POC1B: variants seen among roughly 807,000 people sequenced by gnomAD.
The protein encoded by POC1B is POC1 centriolar protein homolog B.
Under a neutral mutation model 60.6 loss-of-function variants are expected in POC1B, and 44 were observed. The ratio of observed to expected loss-of-function variants is 0.73; its 90% confidence interval spans 0.57 to 0.93. The LOEUF (loss-of-function observed/expected upper bound fraction) is 0.93. Ranked by LOEUF, POC1B falls within the 40% of genes least tolerant of loss-of-function variation. The probability of loss-of-function intolerance (pLI) is 0.00; values close to 1 mark genes in which losing one functional copy is unlikely to be tolerated. For missense variants in POC1B, 555 were observed against 572.3 expected, an observed-to-expected ratio of 0.97 and a Z score of 0.31; for synonymous variants, 180 against 198.9, an observed-to-expected ratio of 0.90 and a Z score of 0.80.
At chr12:89,494,135 G>A (rs1477024457) in intron 3 of POC1B, among the ~76,000 whole-genome samples, 2 of 152,112 alleles carry the variant, frequency 1.3e-5, no homozygotes, top group African/African-American at 2.4e-5. Context: ...AAACTCCTGC[G>A]CTCAAGAGCT....
chr12:89,478,122 CATTT>C (rs1445880380), intron 4 of POC1B, among the ~76,000 whole-genome samples: 22 of 118,412 alleles, frequency 1.9e-4, no homozygotes, highest in South Asian at 1.5e-3. Context: ...TTCATTCATT[CATTT>C]ATTGATAGAC....
At chr12:89,429,238 A>C (rs960814122) in intron 10 of POC1B, 1 of 152,170 alleles carries the variant, frequency 6.6e-6, no homozygotes, top group Non-Finnish European at 1.5e-5. Flanking sequence ...GTGCAGAGAG[A>C]AAAAAGGGTG....
rs767863964 is a variant in POC1B, at chr12:89,466,790, C to T, written c.1012G>A (p.Glu338Lys). Residue 338 changes from glutamate to lysine, a missense_variant, in exon 9 of 12, where the codon GAA becomes AAA. Transcript: ENST00000313546. ...IYPRTPHPHE[E>K]KVETVEINPK... ...CTCACTTCTACAGTCTCAACTTTTT[C>T]CTCATGGGGATGTGGTGTTCTTGGG... 6.8e-6 allele frequency: 11 copies of T among 1,611,602 alleles called. No homozygotes were observed. In the Admixed American group the frequency reaches 8.4e-5, roughly 12 times the overall value.
At chr12:89,484,519 C>T (rs1182902053) in intron 4 of POC1B, among the ~76,000 whole-genome samples, 1 of 152,190 alleles carries the variant, frequency 6.6e-6, no homozygotes, top group Non-Finnish European at 1.5e-5. Context: ...GGAGGACTGG[C>T]ATGTGAGGAT....
chr12:89,497,895 G>A lies in POC1B; in HGVS notation c.101-553C>T, dbSNP rs75634134. 5.9e-3 allele frequency among the ~76,000 whole-genome samples: 900 copies of A among 152,210 alleles called. 9 individuals carry two copies. The highest frequency in any genetic ancestry group is 0.02 in the African/African-American group (842 of 41,542). ...TTGGTTTGTAATTTGCTCTGTACTT[G>A]TTTCTCCTTGCGCATGAACACACGT... On this transcript the variant is annotated intron_variant, in intron 2 of 11. Coordinates refer to ENST00000313546, the MANE Select transcript of POC1B (RefSeq NM_172240.3).
chr12:89,508,767 C>T (rs1870029706), intron 2 of POC1B, among the ~76,000 whole-genome samples: 1 of 152,152 alleles, frequency 6.6e-6, no homozygotes, highest in East Asian at 1.9e-4. Context: ...AGTGATTTCT[C>T]ACAAGATCCG....
rs557811970 is a variant in POC1B at position 89,457,666 on chromosome 12, C to A, written c.1113+1972G>T. ...TACTAGTGGAGTCTTCCTTTTAATG[C>A]GTATATATTGGGTGAAACCATGTGA... On this transcript the variant is annotated intron_variant, in intron 10 of 11. Transcript: ENST00000313546. Among the ~76,000 whole-genome samples the A allele has an allele frequency of 4.6e-5, 7 of 152,068 alleles. No individual in the cohort carries two copies. In the South Asian group the frequency reaches 1.5e-3, roughly 32 times the overall value.
At chr12:89,424,001 T>C (rs1880650414) in intron 11 of POC1B, among the ~76,000 whole-genome samples, 1 of 152,086 alleles carries the variant, frequency 6.6e-6, no homozygotes, top group African/African-American at 2.4e-5. Context: ...GCAATGGCCT[T>C]TAAGGAAAAG....
rs147737180 is a variant in POC1B, at chr12:89,483,068, C to T, written c.452+8868G>A. On this transcript the variant is annotated intron_variant, in intron 4 of 11. Transcript: ENST00000313546. ...CTGGGATTACAGGCATGCTCCACCA[C>T]GCCCAGCTAATTTTTTTTTGTAATT... is the stretch of plus-strand genomic sequence containing the variant. Among the ~76,000 whole-genome samples, 177 of 152,174 alleles carry T rather than the reference C, an allele frequency of 1.2e-3. 1 individual carries two copies. Among genetic ancestry groups the T allele is most frequent in the African/African-American group, 4.0e-3 (165 of 41,526 alleles).
Position 89,525,191 on chromosome 12 carries a change from A to C in POC1B, c.29T>G (p.Leu10Arg). The change falls in exon 2 of 12, where the codon CTG becomes CGG. Residue 10 changes from leucine to arginine, a missense_variant. Transcript: ENST00000313546. MASATEDPVLERYFKGHKAA... is the reference protein window; with the variant it reads MASATEDPVRERYFKGHKAA... Reference sequence around the variant, plus strand: ...TTTGTGGCCTTTGAAATAACGCTCCAGAACGGGGTCCTCCTGGAAAGGAAA... The same window carrying C: ...TTTGTGGCCTTTGAAATAACGCTCCCGAACGGGGTCCTCCTGGAAAGGAAA... 1 of 1,611,142 alleles carries C rather than the reference A, an allele frequency of 6.2e-7. No individual in the cohort carries two copies. Among genetic ancestry groups the C allele is most frequent in the South Asian group, 1.1e-5 (1 of 91,018 alleles).
At chr12:89,525,320 G>T in intron 1 of POC1B, 116 bp from the exon 2 acceptor site, 2 of 1,452,030 alleles carry the variant, frequency 1.4e-6, no homozygotes, top group Non-Finnish European at 1.8e-6. Flanking sequence ...CCAGGCGGCG[G>T]CTTGGCTGGG....
rs779723507 is a variant in POC1B at position 89,491,904 on chromosome 12, G to C, written c.452+32C>G. 2.1e-6 allele frequency: 3 copies of C among 1,440,798 alleles called. No homozygotes were observed. The African/African-American group carries it at 4.3e-5, about 21-fold the overall frequency. The allele number at this position is 1,440,798 out of a possible 1,614,324, so 89.3% of individuals were successfully genotyped here. A position where few individuals can be genotyped will look rare whatever the true frequency, so the allele number is the denominator to read the frequency against. The stretch of plus-strand genomic sequence containing the variant: ...CAAACATGAAGCAGAAAAAATATGT[G>C]GACATCTTAATATGAAATTTTTTGC... On this transcript the variant is annotated intron_variant, in intron 4 of 11. Transcript: ENST00000313546.
chr12:89,514,485 T>C (rs999198174), intron 2 of POC1B, among the ~76,000 whole-genome samples: 2 of 140,370 alleles, frequency 1.4e-5, no homozygotes, highest in African/African-American at 5.3e-5. Flanking sequence ...CTCGGCTCAT[T>C]GCAGCCTTTG....
At chr12:89,442,400 A>G (rs1881564417) in intron 10 of POC1B, among the ~76,000 whole-genome samples, 6 of 152,246 alleles carry the variant, frequency 3.9e-5, no homozygotes, top group Admixed American at 3.9e-4. Context: ...GACGAACAGC[A>G]GATGTCTCGG....
At chr12:89,488,710 C>T (rs1868777682) in intron 4 of POC1B, among the ~76,000 whole-genome samples, 1 of 152,146 alleles carries the variant, frequency 6.6e-6, no homozygotes, top group Admixed American at 6.5e-5. Context: ...TGGTTTTGAA[C>T]TCCTGACCTC....
intron 4 of POC1B, among the ~76,000 whole-genome samples, chr12:89,481,133 C>CA (rs1225658249): frequency 3.9e-5 from 6 of 152,186 alleles, no homozygotes; most frequent in Non-Finnish European, 1.5e-5. Context: ...CTCGGCCTCC[C>CA]AAAGTGCTGG....
At chr12:89,503,178 T>A (rs1869678371) in intron 2 of POC1B, among the ~76,000 whole-genome samples, 1 of 152,182 alleles carries the variant, frequency 6.6e-6, no homozygotes, top group African/African-American at 2.4e-5. Flanking sequence ...GAAGCTGGAC[T>A]GTACTGCTGC....
chr12:89,503,737 GAGAAGTGAGGAGCCCCTCCGCCCGGCA>G, intron 2 of POC1B, among the ~76,000 whole-genome samples: 2 of 127,850 alleles, frequency 1.6e-5, no homozygotes, highest in African/African-American at 6.2e-5. Flanking sequence ...CGCCCCGTCT[GAGAAGTGAGGAGCCCCTCCGCCCGGCA>G]GCCGCCCCAT....
At chr12:89,522,296 T>C (rs1870953696) in intron 2 of POC1B, 1 of 397,590 alleles carries the variant, frequency 2.5e-6, no homozygotes, top group South Asian at 1.4e-4. Flanking sequence ...TTAAGCTCAA[T>C]TTTCTTTTTG....
Sources: allele counts gnomAD v4.1 joint callset (sites outside exome capture counted in the v4.1 genomes callset), GRCh38; gene constraint gnomAD v4.1.1; transcripts MANE v1.5; gene names NCBI Gene and HGNC (gene_info 2026-07-23, HGNC 2026-07-21).